Variants in FBN2 observed in about 807,000 individuals in gnomAD.
FBN2 encodes fibrillin 2.
A neutral mutation model predicts 355.6 loss-of-function variants in FBN2; 105 were observed. The observed-to-expected ratio is 0.30, with a 90% confidence interval of 0.25 to 0.35. FBN2 has a LOEUF of 0.35. FBN2 is among the 10% of genes least tolerant of loss of function. The pLI, the probability that FBN2 is intolerant of heterozygous loss-of-function variation, is 1.00. For missense variants in FBN2, 3,280 were observed against 3,758.7 expected, an observed-to-expected ratio of 0.87 and a Z score of 3.33; for synonymous variants, 1,350 against 1,301.2, an observed-to-expected ratio of 1.04 and a Z score of -0.81.
chr5:128,532,653 G>C (rs1297676222), intron 2 of FBN2, among the ~76,000 whole-genome samples: 1 of 152,140 alleles, frequency 6.6e-6, no homozygotes, highest in Non-Finnish European at 1.5e-5. Flanking sequence ...AATGAAAAAA[G>C]CATTTCCTGC....
chr5:128,356,740 T>C (rs1751513805), intron 20 of FBN2, among the ~76,000 whole-genome samples: 1 of 152,252 alleles, frequency 6.6e-6, no homozygotes, highest in African/African-American at 2.4e-5. Context: ...TTAGATGTTT[T>C]AGAATAATTT....
At chr5:128,406,883 C>T (rs1752940255) in intron 8 of FBN2, among the ~76,000 whole-genome samples, 1 of 152,184 alleles carries the variant, frequency 6.6e-6, no homozygotes. Context: ...ACTTACTACA[C>T]AGTGAGCCAA....
At chr5:128,530,747 T>G in intron 2 of FBN2, 54 bp from the exon 3 acceptor site, 1 of 1,154,486 alleles carries the variant, frequency 8.7e-7, no homozygotes, top group Admixed American at 1.7e-5. Context: ...AAACCATAGT[T>G]TACAAAACAA....
chr5:128,357,344 T>C lies in FBN2; in HGVS notation c.2606A>G (p.Asn869Ser), dbSNP rs758075017. 3 of 1,613,850 alleles carry C rather than the reference T, an allele frequency of 1.9e-6. No individual in the cohort carries two copies. The highest frequency in any genetic ancestry group is 2.5e-6 in the Non-Finnish European group (3 of 1,179,876). Reference sequence around the variant, plus strand: ...ACATTCACAATTGAAAGATCCAAGGTTGTTTCTGCAGGCCCCATTGACACA... The same window carrying C: ...ACATTCACAATTGAAAGATCCAAGGCTGTTTCTGCAGGCCCCATTGACACA... ...NPCVNGACRN[N>S]LGSFNCECSP... Residue 869 changes from asparagine (N) to serine (S), a missense_variant, in exon 20 of 65, where the codon AAC (asparagine) becomes AGC (serine). Coordinates refer to ENST00000262464, the MANE Select transcript of FBN2 (RefSeq NM_001999.4).
At chr5:128,475,543 G>A (rs1435512) in intron 5 of FBN2, among the ~76,000 whole-genome samples, 18,362 of 151,928 alleles carry the variant, frequency 0.12, 1,246 homozygotes, top group African/African-American at 0.18. Flanking sequence ...TAAAAAACAA[G>A]TACAGAAGTA....
At chr5:128,504,970 C>T (rs539181500) in intron 5 of FBN2, among the ~76,000 whole-genome samples, 1 of 152,274 alleles carries the variant, frequency 6.6e-6, no homozygotes, top group East Asian at 1.9e-4. Flanking sequence ...GAGCAGTTTT[C>T]CCCATACTGT....
intron 36 of FBN2, 44 bp from the exon 37 acceptor site, chr5:128,312,839 G>C (rs753762772): frequency 3.3e-5 from 53 of 1,603,472 alleles, no homozygotes; most frequent in Admixed American, 8.3e-5. Context: ...TGCTTACATA[G>C]TAAGGACTCC....
At chr5:128,284,710 T>C (rs1362992947) in intron 55 of FBN2, among the ~76,000 whole-genome samples, 2 of 152,206 alleles carry the variant, frequency 1.3e-5, no homozygotes, top group African/African-American at 2.4e-5. Flanking sequence ...TCTGATAAAG[T>C]TCTTAAAGCC....
At chr5:128,437,818 A>G (rs1485159435) in intron 7 of FBN2, among the ~76,000 whole-genome samples, 2 of 151,600 alleles carry the variant, frequency 1.3e-5, no homozygotes, top group Non-Finnish European at 2.9e-5. Flanking sequence ...AGATAGATAG[A>G]TAGACAGACA....
At chr5:128,268,428 C>T (rs1169435114) in intron 62 of FBN2, among the ~76,000 whole-genome samples, 3 of 152,154 alleles carry the variant, frequency 2.0e-5, no homozygotes, top group Non-Finnish European at 4.4e-5. Context: ...GGATTCTCAG[C>T]AGAATTCTAC....
At chr5:128,263,833 T>C (rs1353501886) in intron 62 of FBN2, among the ~76,000 whole-genome samples, 177 bp from the exon 63 acceptor site, 4 of 152,314 alleles carry the variant, frequency 2.6e-5, no homozygotes, top group African/African-American at 9.6e-5. Flanking sequence ...TCCCCTAAAT[T>C]GTGGCTTTAA....
At chr5:128,291,508 T>G (rs1448291915) in intron 49 of FBN2, 21 bp downstream of exon 49, 3 of 1,613,590 alleles carry the variant, frequency 1.9e-6, no homozygotes, top group Non-Finnish European at 2.5e-6. Flanking sequence ...ACTGTGACAG[T>G]GAAGTCATGC....
In FBN2 at chr5:128,395,196, A is replaced by G. The variant is rs750949734; in HGVS notation, c.1157T>C (p.Met386Thr). The change falls in exon 9 of 65, where the codon ATG (methionine) becomes ACG (threonine). Residue 386 changes from methionine (M) to threonine (T), a missense_variant. Coordinates refer to ENST00000262464, the MANE Select transcript of FBN2 (RefSeq NM_001999.4). ...AQELPGRMTKMQCCCEPGRCW... is the reference protein window; with the variant it reads ...AQELPGRMTKTQCCCEPGRCW... ...GCGGCCAGGCTCACAGCAGCACTGCATTTTCGTCATTCTCCCCGGGAGCTC... is the reference window on the plus strand; with the variant it reads ...GCGGCCAGGCTCACAGCAGCACTGCGTTTTCGTCATTCTCCCCGGGAGCTC... The G allele has an allele frequency of 1.3e-5, 21 of 1,614,022 alleles. No individual in the cohort carries two copies. In the East Asian group the frequency reaches 4.2e-4, roughly 33 times the overall value.
intron 55 of FBN2, among the ~76,000 whole-genome samples, chr5:128,283,906 T>C (rs1211026550): frequency 6.6e-6 from 1 of 152,238 alleles, no homozygotes; most frequent in African/African-American, 2.4e-5. Flanking sequence ...GACTTATCTT[T>C]TATACATATT....
chr5:128,459,491 C>CACA (rs138749705), intron 6 of FBN2, among the ~76,000 whole-genome samples: 14 of 151,674 alleles, frequency 9.2e-5, no homozygotes, highest in Admixed American at 3.9e-4. Flanking sequence ...CTGGCAGAGA[C>CACA]ACAACAACAA....
Position 128,263,553 on chromosome 5 carries a change from CTGG to C in FBN2, c.8061_8063del (p.Asp2687_Gln2688delinsGlu), listed in dbSNP as rs780282566. On this transcript the variant is annotated inframe_deletion, in exon 63 of 65. Coordinates refer to ENST00000262464, the MANE Select transcript of FBN2 (RefSeq NM_001999.4). ...TCACGTCGTGGCAGGCACTGGAGAA[CTGG>C]TCGAAGGAGAACCCCGAGGGGCAGG... 3.3e-5 allele frequency: 54 copies of C among 1,613,990 alleles called. No homozygotes were observed. The African/African-American group carries it at 5.9e-4, about 18-fold the overall frequency.
chr5:128,415,644 G>A (rs969074885), intron 7 of FBN2, among the ~76,000 whole-genome samples: 7 of 152,112 alleles, frequency 4.6e-5, no homozygotes, highest in African/African-American at 1.7e-4. Context: ...CTTTGCTACA[G>A]TGAAAAGTGC....
intron 15 of FBN2, 105 bp downstream of exon 15, chr5:128,374,523 T>C (rs551879060): frequency 1.4e-6 from 2 of 1,462,938 alleles, no homozygotes; most frequent in Non-Finnish European, 1.9e-6. Context: ...TGTTTTAGCA[T>C]GTACTCTTCT....
chr5:128,263,139 T>C (rs1358666914), intron 63 of FBN2, among the ~76,000 whole-genome samples: 1 of 152,218 alleles, frequency 6.6e-6, no homozygotes, highest in Admixed American at 6.5e-5. Context: ...TGTTTGTCTC[T>C]GGCCTTGGGT....
Sources: allele counts gnomAD v4.1 joint callset (sites outside exome capture counted in the v4.1 genomes callset), GRCh38; gene constraint gnomAD v4.1.1; transcripts MANE v1.5; gene names NCBI Gene and HGNC (gene_info 2026-07-23, HGNC 2026-07-21).